The following JARID2 variants were observed in gnomAD, a reference collection of about 807,000 sequenced individuals.
The protein encoded by JARID2 is protein Jumonji.
JARID2 carries 21 observed loss-of-function variants against 125.6 expected under a neutral mutation model. That is an observed-to-expected ratio of 0.17 (90% CI 0.12 to 0.24). JARID2 has a LOEUF of 0.24. JARID2 is among the 10% of genes least tolerant of loss of function. JARID2 has a pLI of 1.00. For missense variants in JARID2, 1,303 were observed against 1,639.6 expected (o/e 0.79, Z 3.55); for synonymous variants, 736 against 661.6 (o/e 1.11, Z -1.73).
intron 16 of JARID2, among the ~76,000 whole-genome samples, chr6:15,514,622 A>AGTCAGATC (rs139776798): frequency 0.011 from 1,646 of 152,286 alleles, 28 homozygotes; most frequent in African/African-American, 0.036. Flanking sequence ...CTCCCGGATG[A>AGTCAGATC]GTCAGATCGT....
In JARID2 at chr6:15,496,278, A is replaced by G; in HGVS notation, c.1053A>G (p.Lys351=). The change falls in exon 7 of 18, where the codon AAA becomes AAG. Residue 351 remains lysine (K), a synonymous_variant. Transcript: ENST00000341776. ...TVTKGAVTYT[K]AKRELVKDTK... ...CGAAGGGGGCTGTCACATACACCAA[A>G]GCCAAGAGAGAACTGGTCAAGGACA... 1.2e-6 allele frequency: 2 copies of G among 1,614,188 alleles called. No homozygotes were observed. The highest frequency in any genetic ancestry group is 1.7e-6 in the Non-Finnish European group (2 of 1,180,034).
intron 2 of JARID2, among the ~76,000 whole-genome samples, chr6:15,377,260 G>A (rs1287840360): frequency 6.6e-6 from 1 of 152,144 alleles, no homozygotes; most frequent in African/African-American, 2.4e-5. Flanking sequence ...GTCATGGAGG[G>A]AGGTGAAAAG....
intron 3 of JARID2, among the ~76,000 whole-genome samples, chr6:15,416,281 G>A (rs1030316784): frequency 9.8e-5 from 15 of 152,306 alleles, no homozygotes; most frequent in African/African-American, 1.2e-4. Flanking sequence ...CTTCCCAGAC[G>A]GGGTGGCGGC....
At chr6:15,261,471 CGA>C (rs1554116364) in intron 1 of JARID2, among the ~76,000 whole-genome samples, 1 of 152,096 alleles carries the variant, frequency 6.6e-6, no homozygotes, top group South Asian at 2.1e-4. Context: ...GCGTGCGCCA[CGA>C]CACCCACCTA....
chr6:15,376,007 C>T (rs1764339592), intron 2 of JARID2, among the ~76,000 whole-genome samples: 1 of 152,192 alleles, frequency 6.6e-6, no homozygotes, highest in African/African-American at 2.4e-5. Flanking sequence ...TAAAGTTTGT[C>T]ATTCCAGAAG....
intron 4 of JARID2, among the ~76,000 whole-genome samples, chr6:15,465,085 A>G (rs1227958404): frequency 1.3e-5 from 2 of 152,112 alleles, no homozygotes; most frequent in Non-Finnish European, 2.9e-5. Flanking sequence ...GTCACATCAC[A>G]TATTCGTATT....
In JARID2 at chr6:15,496,315, C is replaced by T. The variant is rs1770419981; in HGVS notation, c.1090C>T (p.His364Tyr). The change falls in exon 7 of 18, where the codon CAC (histidine) becomes TAC (tyrosine). Residue 364 changes from histidine to tyrosine, a missense_variant. Coordinates refer to ENST00000341776, the MANE Select transcript of JARID2 (RefSeq NM_004973.4). ...ACTGGTCAAGGACACCAAACCCAATCACCACAAGCCCAGTTCCGCTGTCAA... is the reference window on the plus strand; with the variant it reads ...ACTGGTCAAGGACACCAAACCCAATTACCACAAGCCCAGTTCCGCTGTCAA... ...RELVKDTKPN[H>Y]HKPSSAVNHT... The T allele has an allele frequency of 5.6e-6, 9 of 1,614,212 alleles. No individual in the cohort carries two copies. The highest frequency in any genetic ancestry group is 6.8e-6 in the Non-Finnish European group (8 of 1,180,046).
At chr6:15,322,723 C>A (rs1038416856) in intron 1 of JARID2, among the ~76,000 whole-genome samples, 5 of 152,120 alleles carry the variant, frequency 3.3e-5, no homozygotes, top group Non-Finnish European at 7.4e-5. Context: ...AATTAGGGAG[C>A]CAGCAGCTCA....
intron 1 of JARID2, among the ~76,000 whole-genome samples, chr6:15,332,564 A>G (rs2127457364): frequency 6.6e-6 from 1 of 152,324 alleles, no homozygotes; most frequent in Middle Eastern, 3.4e-3. Flanking sequence ...AAGCCTGTAC[A>G]GCAGCTCCAG....
intron 1 of JARID2, among the ~76,000 whole-genome samples, chr6:15,373,259 C>T (rs192439525): frequency 6.6e-6 from 1 of 152,326 alleles, no homozygotes; most frequent in East Asian, 1.9e-4. Flanking sequence ...CTTGCTCTGT[C>T]TCAAGTCTCT....
At chr6:15,339,505 A>G (rs1225021375) in intron 1 of JARID2, among the ~76,000 whole-genome samples, 1 of 151,798 alleles carries the variant, frequency 6.6e-6, no homozygotes, top group Non-Finnish European at 1.5e-5. Flanking sequence ...AGATAGGGCA[A>G]GAACAGTTAT....
chr6:15,394,631 T>G (rs544368598), intron 2 of JARID2, among the ~76,000 whole-genome samples: 2 of 126,164 alleles, frequency 1.6e-5, no homozygotes, highest in African/African-American at 5.2e-5. Context: ...AGACTAAATC[T>G]TCTTCTTGAA....
At chr6:15,383,202 T>C (rs1317967318) in intron 2 of JARID2, among the ~76,000 whole-genome samples, 4 of 152,002 alleles carry the variant, frequency 2.6e-5, no homozygotes, top group Admixed American at 2.6e-4. Context: ...GGGTCTTGCA[T>C]GTTGCCCAGG....
Position 15,504,515 on chromosome 6 carries a change from C to T in JARID2, c.2464C>T (p.Leu822=), listed in dbSNP as rs761161807. 1 of 1,613,546 alleles carries T rather than the reference C, an allele frequency of 6.2e-7. No homozygotes were observed. Among genetic ancestry groups the T allele is most frequent in the East Asian group, 2.2e-5 (1 of 44,892 alleles). The change falls in exon 9 of 18, where the codon CTA becomes TTA. Residue 822 remains leucine, a synonymous_variant. Transcript: ENST00000341776. ...KCIYKGRSVS[L]TTFYRTARNI... Reference sequence around the variant, plus strand: ...TTTGTTTCAGGGAAGGTCTGTTTCTCTAACAACTTTTTATCGAACAGCGAG... The same window carrying T: ...TTTGTTTCAGGGAAGGTCTGTTTCTTTAACAACTTTTTATCGAACAGCGAG...
intron 3 of JARID2, among the ~76,000 whole-genome samples, chr6:15,422,140 G>A (rs915722173): frequency 1.3e-5 from 2 of 152,180 alleles, no homozygotes; most frequent in Non-Finnish European, 2.9e-5. Context: ...GGAGAGAAGC[G>A]CGTCCAGGAG....
intron 1 of JARID2, among the ~76,000 whole-genome samples, chr6:15,373,682 G>T (rs1304573735): frequency 1.3e-5 from 2 of 152,124 alleles, no homozygotes; most frequent in Admixed American, 1.3e-4. Flanking sequence ...CCCAAGGGAG[G>T]CAGCAACATT....
At chr6:15,470,226 G>C (rs995491462) in intron 5 of JARID2, among the ~76,000 whole-genome samples, 1 of 151,908 alleles carries the variant, frequency 6.6e-6, no homozygotes, top group African/African-American at 2.4e-5. Flanking sequence ...AAAGAGAATG[G>C]GAGTCAGGAG....
chr6:15,451,114 G>C (rs1767902295), intron 3 of JARID2, among the ~76,000 whole-genome samples: 1 of 152,238 alleles, frequency 6.6e-6, no homozygotes, highest in Non-Finnish European at 1.5e-5. Context: ...AGTGAGCTGA[G>C]GTGGCAACAC....
chr6:15,358,397 C>A (rs1039776852), intron 1 of JARID2, among the ~76,000 whole-genome samples: 2 of 152,124 alleles, frequency 1.3e-5, no homozygotes, highest in Non-Finnish European at 2.9e-5. Context: ...AATGAAGAAT[C>A]ACAACAGAGT....
Sources: allele counts gnomAD v4.1 joint callset (sites outside exome capture counted in the v4.1 genomes callset), GRCh38; gene constraint gnomAD v4.1.1; transcripts MANE v1.5; gene names NCBI Gene and HGNC (gene_info 2026-07-23, HGNC 2026-07-21).